Variants in SMIM35 observed in about 807,000 individuals in gnomAD.
The protein encoded by SMIM35 is TMPRSS4 antisense RNA 1 (non-protein coding).
intron 1 of SMIM35, among the ~76,000 whole-genome samples, chr11:118,016,910 G>A (rs140236852): frequency 3.9e-5 from 6 of 152,252 alleles, no homozygotes; most frequent in Non-Finnish European, 7.4e-5. Context: ...TATTTTTTAA[G>A]TATTTCACAA....
intron 1 of SMIM35, among the ~76,000 whole-genome samples, chr11:118,057,506 C>T (rs538857553): frequency 5.3e-5 from 8 of 152,138 alleles, no homozygotes; most frequent in African/African-American, 1.7e-4. Context: ...TGGGAGACTC[C>T]GCTGGGCGCT....
At chr11:118,060,568 T>C (rs529726407) in intron 1 of SMIM35, among the ~76,000 whole-genome samples, 13 of 152,130 alleles carry the variant, frequency 8.5e-5, no homozygotes, top group Non-Finnish European at 1.8e-4. Flanking sequence ...ACAGCTGCCA[T>C]GCTCACCTGG....
chr11:118,082,760 T>A (rs903252671), intron 1 of SMIM35, among the ~76,000 whole-genome samples: 1 of 151,956 alleles, frequency 6.6e-6, no homozygotes, highest in African/African-American at 2.4e-5. Context: ...GATAGAAAAT[T>A]GATTTAAAGA....
At chr11:118,012,216 T>C (rs866340230) in intron 4 of SMIM35, among the ~76,000 whole-genome samples, 1 of 152,324 alleles carries the variant, frequency 6.6e-6, no homozygotes, top group African/African-American at 2.4e-5. Flanking sequence ...CTCCCTTCTC[T>C]TGCCCTACTC....
At chr11:118,054,156 AT>A (rs1345936190) in intron 1 of SMIM35, among the ~76,000 whole-genome samples, 1 of 108,234 alleles carries the variant, frequency 9.2e-6, no homozygotes, top group Non-Finnish European at 2.0e-5. Flanking sequence ...GGTTTTTGGG[AT>A]TTTTTTGTTT....
intron 1 of SMIM35, among the ~76,000 whole-genome samples, chr11:118,027,068 C>A (rs186649257): frequency 0.032 from 4,415 of 137,000 alleles, 163 homozygotes; most frequent in Admixed American, 0.047. Context: ...TCGCCCAGGC[C>A]GGACTGCGGA....
chr11:118,053,548 T>G (rs7924795), intron 1 of SMIM35, among the ~76,000 whole-genome samples: 91,076 of 151,536 alleles, frequency 0.6, 27,502 homozygotes, highest in Non-Finnish European at 0.64. Flanking sequence ...CAAACAGCAG[T>G]CCTGAGAAAC....
At chr11:118,044,802 A>C (rs370315551) in intron 1 of SMIM35, among the ~76,000 whole-genome samples, 61,029 of 106,558 alleles carry the variant, frequency 0.57, 14,142 homozygotes, top group Non-Finnish European at 0.62. Context: ...TCATTCTACT[A>C]AAAAAAAAAC....
chr11:118,050,093 G>C (rs951193703), intron 1 of SMIM35, among the ~76,000 whole-genome samples: 2 of 152,168 alleles, frequency 1.3e-5, no homozygotes, highest in African/African-American at 4.8e-5. Flanking sequence ...GTGTGTGCTG[G>C]AGCCCCAGCC....
intron 1 of SMIM35, among the ~76,000 whole-genome samples, chr11:118,032,742 A>G (rs2058329393): frequency 1.3e-5 from 2 of 152,078 alleles, no homozygotes; most frequent in African/African-American, 2.4e-5. Context: ...CCCCGTCTCT[A>G]CCAAAAAATA....
intron 4 of SMIM35, among the ~76,000 whole-genome samples, chr11:118,011,344 G>A (rs979775087): frequency 7.2e-5 from 11 of 152,308 alleles, no homozygotes; most frequent in African/African-American, 1.9e-4. Flanking sequence ...TAGGGTGGCC[G>A]GGCATGGACT....
intron 3 of SMIM35, among the ~76,000 whole-genome samples, chr11:118,014,384 A>AGATGGATGGATG: frequency 6.8e-6 from 1 of 147,080 alleles, no homozygotes; most frequent in East Asian, 2.0e-4. Context: ...CTTGGGGGAG[A>AGATGGATGGATG]GATGGATGGA....
At chr11:118,040,228 G>A (rs568412676) in intron 1 of SMIM35, among the ~76,000 whole-genome samples, 1 of 151,974 alleles carries the variant, frequency 6.6e-6, no homozygotes, top group South Asian at 2.1e-4. Flanking sequence ...AAAAAAATAA[G>A]TAAATAACCT....
intron 1 of SMIM35, among the ~76,000 whole-genome samples, chr11:118,042,669 GA>G (rs1199031373): frequency 6.6e-6 from 1 of 152,050 alleles, no homozygotes; most frequent in Non-Finnish European, 1.5e-5. Flanking sequence ...GAAAACCAGA[GA>G]AAAAATATCT....
chr11:118,033,049 T>C (rs781669261), intron 1 of SMIM35, among the ~76,000 whole-genome samples: 14 of 152,258 alleles, frequency 9.2e-5, no homozygotes, highest in Non-Finnish European at 1.8e-4. Context: ...GAAATTTTTA[T>C]TTTTCTCTCT....
In SMIM35 at chr11:118,004,471, G is replaced by A. The variant is rs2058112072; in HGVS notation, c.*1939C>T. The A allele has an allele frequency of 6.6e-6, 1 of 152,266 alleles. No individual in the cohort carries two copies. The highest frequency in any genetic ancestry group is 1.5e-5 in the Non-Finnish European group (1 of 68,044). The allele number at this position is 152,266 out of a possible 1,614,324, so 9.4% of individuals were successfully genotyped here. ...ATGAGAAAAGCGAAATATGGACATG[G>A]AAGGGAGACAGAGGTGTGGAGGGAG... On this transcript the variant is annotated 3_prime_UTR_variant, in exon 5 of 5. Transcript: ENST00000689828.
At chr11:118,027,036 T>TTTTTTTTTTG (rs2058280384) in intron 1 of SMIM35, among the ~76,000 whole-genome samples, 1 of 145,290 alleles carries the variant, frequency 6.9e-6, no homozygotes, top group African/African-American at 2.6e-5. Context: ...TTTTTTTTTT[T>TTTTTTTTTTG]TTGAGACGGA....
intron 1 of SMIM35, among the ~76,000 whole-genome samples, chr11:118,078,173 C>T (rs922762354): frequency 5.9e-5 from 9 of 152,114 alleles, no homozygotes; most frequent in Non-Finnish European, 1.0e-4. Context: ...GGAGCGTCTT[C>T]GCTGTCTTGG....
intron 1 of SMIM35, among the ~76,000 whole-genome samples, chr11:118,027,955 C>G (rs1390515813): frequency 2.0e-5 from 3 of 152,204 alleles, no homozygotes; most frequent in Admixed American, 6.5e-5. Flanking sequence ...CATGAAGAGT[C>G]AATATAATTG....
Sources: gnomAD v4.1 joint callset for allele counts (sites outside exome capture counted in the v4.1 genomes callset) on GRCh38, gnomAD v4.1.1 for gene constraint, MANE v1.5 for transcripts, NCBI Gene and HGNC (gene_info 2026-07-23, HGNC 2026-07-21) for gene names.